EHBP1: variants seen among roughly 807,000 people sequenced by gnomAD.
EHBP1 encodes the protein EH domain-binding protein 1.
EHBP1 carries 55 observed loss-of-function variants against 144.0 expected under a neutral mutation model. The ratio of observed to expected loss-of-function variants is 0.38; its 90% confidence interval spans 0.31 to 0.48. The LOEUF (loss-of-function observed/expected upper bound fraction) is 0.48, where lower values mean the gene tolerates loss of function less well. EHBP1 is among the 20% of genes least tolerant of loss of function. The probability of loss-of-function intolerance (pLI) is 0.98; values close to 1 mark genes in which losing one functional copy is unlikely to be tolerated. For synonymous variants in EHBP1, 469 were observed against 472.7 expected, an observed-to-expected ratio of 0.99 and a Z score of 0.10; for missense variants, 1,200 against 1,364.2, an observed-to-expected ratio of 0.88 and a Z score of 1.90.
intron 19 of EHBP1, among the ~76,000 whole-genome samples, chr2:63,026,994 C>T (rs1002025858): frequency 6.6e-6 from 1 of 152,098 alleles, no homozygotes; most frequent in Admixed American, 6.5e-5. Context: ...ACTCTGAAGG[C>T]TTTGTCAAAG....
chr2:62,921,987 C>A (rs943261207), intron 10 of EHBP1, among the ~76,000 whole-genome samples: 1 of 152,040 alleles, frequency 6.6e-6, no homozygotes, highest in Non-Finnish European at 1.5e-5. Context: ...CCAGCCTGGC[C>A]AAGATGGTGA....
intron 3 of EHBP1, among the ~76,000 whole-genome samples, chr2:62,761,689 C>T (rs2040781865): frequency 1.3e-5 from 2 of 152,112 alleles, no homozygotes; most frequent in Admixed American, 1.3e-4. Flanking sequence ...GTCTGTGCTT[C>T]CAGGAAGGAT....
rs1008016559 is a variant in EHBP1 at position 62,846,256 on chromosome 2, G to A, written c.635-12913G>A. Among the ~76,000 whole-genome samples the A allele has an allele frequency of 2.6e-5, 4 of 152,230 alleles. No homozygotes were observed. In the South Asian group the frequency reaches 6.2e-4, roughly 24 times the overall value. ...TCTGACAGGGCTTGGATGGGAACGA[G>A]GGCTCTAAAAAAGAAGTCAGAAGCC... On this transcript the variant is annotated intron_variant, in intron 7 of 22. Coordinates refer to ENST00000431489, the MANE Select transcript of EHBP1 (RefSeq NM_001142616.3).
chr2:62,718,328 A>G (rs1328600626), intron 2 of EHBP1, among the ~76,000 whole-genome samples: 1 of 152,232 alleles, frequency 6.6e-6, no homozygotes, highest in Non-Finnish European at 1.5e-5. Context: ...TTACATCTAA[A>G]TTTAAATCAA....
chr2:62,690,980 A>G (rs929111826), intron 1 of EHBP1, among the ~76,000 whole-genome samples: 2 of 152,206 alleles, frequency 1.3e-5, no homozygotes, highest in African/African-American at 4.8e-5. Context: ...ATTATTGGCA[A>G]TCTTTTGGAA....
intron 2 of EHBP1, among the ~76,000 whole-genome samples, chr2:62,722,971 A>T (rs968816525): frequency 6.6e-6 from 1 of 152,184 alleles, no homozygotes; most frequent in African/African-American, 2.4e-5. Flanking sequence ...GATGAGAAGA[A>T]TGTATATTCT....
chr2:62,734,992 C>T (rs533289483), intron 2 of EHBP1, among the ~76,000 whole-genome samples: 5 of 152,298 alleles, frequency 3.3e-5, no homozygotes, highest in African/African-American at 9.6e-5. Flanking sequence ...CCTCAACCAC[C>T]TGGGCTCAAG....
At chr2:62,705,519 T>C (rs1184892670), upstream of EHBP1, 1 of 151,758 alleles carries the variant, frequency 6.6e-6, no homozygotes, top group Admixed American at 6.6e-5. Flanking sequence ...AGGTAGCCTG[T>C]GCGTCGCATT....
intron 10 of EHBP1, among the ~76,000 whole-genome samples, chr2:62,926,168 A>G (rs1348582252): frequency 6.6e-6 from 1 of 152,170 alleles, no homozygotes; most frequent in Non-Finnish European, 1.5e-5. Flanking sequence ...AGTCTCTTCA[A>G]TTAATTGTGC....
intron 15 of EHBP1, among the ~76,000 whole-genome samples, chr2:62,980,468 A>G (rs1462727449): frequency 6.6e-6 from 1 of 152,210 alleles, no homozygotes; most frequent in African/African-American, 2.4e-5. Flanking sequence ...AAGAGGGCCA[A>G]AACAAAGGTA....
intron 19 of EHBP1, among the ~76,000 whole-genome samples, chr2:63,019,619 A>G (rs2060619551): frequency 6.6e-6 from 1 of 151,862 alleles, no homozygotes; most frequent in Admixed American, 6.6e-5. Context: ...AGGCAGAAGA[A>G]TCACTTGAAC....
intron 14 of EHBP1, chr2:62,964,889 A>G (rs1364625130): frequency 1.3e-5 from 2 of 152,644 alleles, no homozygotes; most frequent in East Asian, 1.9e-4. Context: ...CCACCTTGCT[A>G]TGGCCCCTTG....
chr2:62,939,220 A>G (rs1013242093), intron 10 of EHBP1, among the ~76,000 whole-genome samples: 1 of 152,184 alleles, frequency 6.6e-6, no homozygotes, highest in African/African-American at 2.4e-5. Flanking sequence ...AGAGCAGGGT[A>G]AGTGGATTCA....
intron 14 of EHBP1, among the ~76,000 whole-genome samples, chr2:62,965,455 T>C (rs1048695476): frequency 2.0e-4 from 31 of 152,174 alleles, no homozygotes; most frequent in Non-Finnish European, 1.5e-5. Flanking sequence ...GAAATTGAAA[T>C]GTGGCTTTCC....
At chr2:62,709,789 G>A (rs1452675014) in intron 2 of EHBP1, among the ~76,000 whole-genome samples, 1 of 151,866 alleles carries the variant, frequency 6.6e-6, no homozygotes, top group Admixed American at 6.6e-5. Context: ...ATTGTCTAGT[G>A]GTTCTAGAAC....
At chr2:63,024,430 C>G (rs953713394) in intron 19 of EHBP1, among the ~76,000 whole-genome samples, 1 of 152,066 alleles carries the variant, frequency 6.6e-6, no homozygotes, top group Non-Finnish European at 1.5e-5. Flanking sequence ...CAGCAATACC[C>G]TGTCTCTACA....
intron 15 of EHBP1, among the ~76,000 whole-genome samples, chr2:62,980,717 G>A (rs901048307): frequency 1.3e-4 from 19 of 151,708 alleles, no homozygotes; most frequent in African/African-American, 2.7e-4. Context: ...AGTGCCTCAC[G>A]CCTGTAATCC....
At chr2:62,705,492 T>G (rs2034457102), upstream of EHBP1, among the ~76,000 whole-genome samples, 1 of 149,636 alleles carries the variant, frequency 6.7e-6, no homozygotes, top group Non-Finnish European at 1.5e-5. Flanking sequence ...GGTTCCTTCT[T>G]TTTTTTTTTA....
chr2:62,801,149 C>T (rs1460156439), intron 5 of EHBP1, among the ~76,000 whole-genome samples: 30 of 152,194 alleles, frequency 2.0e-4, no homozygotes, highest in East Asian at 1.9e-4. Flanking sequence ...TTCTAACATT[C>T]ATCTTGTTAA....
Sources: gnomAD v4.1 joint callset for allele counts (sites outside exome capture counted in the v4.1 genomes callset) on GRCh38, gnomAD v4.1.1 for gene constraint, MANE v1.5 for transcripts, NCBI Gene and HGNC (gene_info 2026-07-23, HGNC 2026-07-21) for gene names.